Variants in UBTD1 observed in about 807,000 individuals in gnomAD.
UBTD1 encodes ubiquitin domain containing 1.
In UBTD1, 19 loss-of-function variants were observed where a neutral mutation model predicts 21.7. The observed-to-expected ratio is 0.87, with a 90% CI of 0.61 to 1.28. The LOEUF is 1.28. Ranked by LOEUF, UBTD1 falls within the 50% of genes most tolerant of loss-of-function variation. The pLI, the probability that UBTD1 is intolerant of heterozygous loss-of-function variation, is 0.00. For missense variants in UBTD1, 282 were observed against 315.1 expected, an observed-to-expected ratio of 0.89 and a Z score of 0.80; for synonymous variants, 116 against 135.1, an observed-to-expected ratio of 0.86 and a Z score of 0.98.
intron 1 of UBTD1, among the ~76,000 whole-genome samples, chr10:97,530,147 C>G (rs1461900223): frequency 5.9e-5 from 9 of 152,180 alleles, no homozygotes; most frequent in Admixed American, 5.9e-4. Context: ...GACTTTGTGT[C>G]CGTGTTCCCC....
chr10:97,529,592 T>G, intron 1 of UBTD1, among the ~76,000 whole-genome samples: 1 of 55,884 alleles, frequency 1.8e-5, no homozygotes. Context: ...CGAAACCCCG[T>G]CTCCACCAAA....
intron 1 of UBTD1, among the ~76,000 whole-genome samples, chr10:97,539,175 C>T (rs1159385109): frequency 6.6e-6 from 1 of 151,756 alleles, no homozygotes; most frequent in Non-Finnish European, 1.5e-5. Context: ...CTCACATGTC[C>T]TCTGGAGCCT....
At chr10:97,519,605 C>T (rs1172933479) in intron 1 of UBTD1, among the ~76,000 whole-genome samples, 2 of 152,096 alleles carry the variant, frequency 1.3e-5, no homozygotes, top group Admixed American at 1.3e-4. Context: ...GGGATTGGGG[C>T]AAGTGTGAAA....
chr10:97,564,828 T>A (rs764791183), intron 1 of UBTD1, among the ~76,000 whole-genome samples: 6 of 152,196 alleles, frequency 3.9e-5, no homozygotes, highest in Non-Finnish European at 8.8e-5. Flanking sequence ...CCTCCCAAAG[T>A]GTTGGGATTA....
At chr10:97,530,631 A>G (rs547193802) in intron 1 of UBTD1, among the ~76,000 whole-genome samples, 2 of 152,318 alleles carry the variant, frequency 1.3e-5, no homozygotes, top group East Asian at 3.9e-4. Flanking sequence ...AAATCCGGCA[A>G]GCAGCAGGGG....
rs1182470306 is a variant in UBTD1 at position 97,568,115 on chromosome 10, A to G, written c.272A>G (p.Asp91Gly). 1 of 1,613,756 alleles carries G rather than the reference A, an allele frequency of 6.2e-7. No homozygotes were observed. Among genetic ancestry groups the G allele is most frequent in the Non-Finnish European group, 8.5e-7 (1 of 1,180,042 alleles). ...NDHELAQAILDGASITLPHGT... is the reference protein window; with the variant it reads ...NDHELAQAILGGASITLPHGT... ...CACGAGCTGGCCCAGGCCATCCTGGATGGAGCCAGCATCACCCTGCCTCAT... is the reference window on the plus strand; with the variant it reads ...CACGAGCTGGCCCAGGCCATCCTGGGTGGAGCCAGCATCACCCTGCCTCAT... The change falls in exon 2 of 3, where the codon GAT becomes GGT. Residue 91 changes from aspartate to glycine, a missense_variant. Asp to Gly is a moderately conservative substitution (Grantham distance 94). Transcript: ENST00000370664.
chr10:97,536,855 G>A (rs1005319194), intron 1 of UBTD1, among the ~76,000 whole-genome samples: 1 of 152,082 alleles, frequency 6.6e-6, no homozygotes, highest in Admixed American at 6.5e-5. Flanking sequence ...CAGTGGTGGA[G>A]TCATTCGGTC....
intron 1 of UBTD1, among the ~76,000 whole-genome samples, chr10:97,502,887 G>GTA (rs148317640): frequency 0.5 from 71,975 of 143,956 alleles, 18,266 homozygotes; most frequent in South Asian, 0.63. Context: ...ATATATATAC[G>GTA]TATATATATG....
intron 1 of UBTD1, among the ~76,000 whole-genome samples, chr10:97,516,566 G>A (rs2040445457): frequency 6.6e-6 from 1 of 152,036 alleles, no homozygotes; most frequent in African/African-American, 2.4e-5. Context: ...ACTAGGTCAG[G>A]AGATCAAGAC....
chr10:97,526,199 C>T (rs954864478), intron 1 of UBTD1, among the ~76,000 whole-genome samples: 4 of 152,226 alleles, frequency 2.6e-5, no homozygotes, highest in Non-Finnish European at 4.4e-5. Flanking sequence ...CTAACAAGCA[C>T]TCTTGTGCAC....
intron 1 of UBTD1, among the ~76,000 whole-genome samples, chr10:97,558,444 C>A (rs895941734): frequency 6.6e-6 from 1 of 152,128 alleles, no homozygotes; most frequent in Non-Finnish European, 1.5e-5. Flanking sequence ...CTAACAGGGC[C>A]GTTGCTACCA....
At chr10:97,566,412 C>T (rs952226165) in intron 1 of UBTD1, among the ~76,000 whole-genome samples, 1 of 152,098 alleles carries the variant, frequency 6.6e-6, no homozygotes, top group African/African-American at 2.4e-5. Context: ...CCCAGGAACA[C>T]TTTAAATTAA....
chr10:97,531,812 T>G (rs571192026), intron 1 of UBTD1, among the ~76,000 whole-genome samples: 1 of 152,164 alleles, frequency 6.6e-6, no homozygotes, highest in Non-Finnish European at 1.5e-5. Context: ...GTCTCCCCTG[T>G]GGTTTCCAGG....
chr10:97,548,354 T>C (rs959585263), intron 1 of UBTD1, among the ~76,000 whole-genome samples: 1 of 152,286 alleles, frequency 6.6e-6, no homozygotes, highest in South Asian at 2.1e-4. Context: ...GTGGCAAAGA[T>C]GAGAGTGTGT....
intron 1 of UBTD1, among the ~76,000 whole-genome samples, chr10:97,553,840 C>T (rs1198441933): frequency 6.6e-6 from 1 of 152,226 alleles, no homozygotes; most frequent in Non-Finnish European, 1.5e-5. Flanking sequence ...AGGAGTTTGT[C>T]ACCGCTGTAT....
At chr10:97,513,840 T>A (rs2135659686) in intron 1 of UBTD1, among the ~76,000 whole-genome samples, 1 of 152,068 alleles carries the variant, frequency 6.6e-6, no homozygotes, top group South Asian at 2.1e-4. Flanking sequence ...ACCTCCTGAG[T>A]ACCTAAGACT....
intron 1 of UBTD1, among the ~76,000 whole-genome samples, chr10:97,562,578 G>A (rs2040697978): frequency 6.6e-6 from 1 of 152,192 alleles, no homozygotes; most frequent in African/African-American, 2.4e-5. Context: ...CCTTCTCAAG[G>A]GTGGGGAGGG....
rs180809651 is a variant in UBTD1, at chr10:97,559,892, T to G, written c.71-8022T>G. Reference sequence around the variant, plus strand: ...TTTTAAAACATTAATTTTTTTAATCTTTTAATGTAGATAAAAATCCACATT... The same window carrying G: ...TTTTAAAACATTAATTTTTTTAATCGTTTAATGTAGATAAAAATCCACATT... On this transcript the variant is annotated intron_variant, in intron 1 of 2. Coordinates refer to ENST00000370664, the MANE Select transcript of UBTD1 (RefSeq NM_024954.5). 4.1e-4 allele frequency among the ~76,000 whole-genome samples: 63 copies of G among 152,304 alleles called. No homozygotes were observed. In the East Asian group the frequency reaches 0.01, roughly 24 times the overall value.
chr10:97,553,875 G>A lies in UBTD1; in HGVS notation c.71-14039G>A, dbSNP rs188479765. On this transcript the variant is annotated intron_variant, in intron 1 of 2. Transcript: ENST00000370664. ...TCCTGGGTCACTGCATTAATTAGGC[G>A]CTGTTAATACTTGCAGAGGCTCACT... 3.9e-5 allele frequency among the ~76,000 whole-genome samples: 6 copies of A among 152,310 alleles called. No homozygotes were observed. The South Asian group carries it at 6.2e-4, about 16-fold the overall frequency.
Sources: allele counts gnomAD v4.1 joint callset (sites outside exome capture counted in the v4.1 genomes callset), GRCh38; gene constraint gnomAD v4.1.1; transcripts MANE v1.5; gene names NCBI Gene and HGNC (gene_info 2026-07-23, HGNC 2026-07-21).